CADM2: variants seen among roughly 807,000 people sequenced by gnomAD.
The protein encoded by CADM2 is immunoglobulin superfamily member 4D.
CADM2 carries 12 observed loss-of-function variants against 49.8 expected under a neutral mutation model. The ratio of observed to expected loss-of-function variants is 0.24; its 90% CI spans 0.15 to 0.39. The LOEUF is 0.39. Ranked by LOEUF, CADM2 falls within the 10% of genes least tolerant of loss-of-function variation. The pLI is 1.00. For synonymous variants in CADM2, 214 were observed against 175.4 expected (o/e 1.22, Z -1.74); for missense variants, 378 against 492.3 (o/e 0.77, Z 2.20).
chr3:86,014,573 T>G, intron 8 of CADM2: 1 of 1,597,826 alleles, frequency 6.3e-7, no homozygotes, highest in South Asian at 1.1e-5. Context: ...AAACACTAAG[T>G]GTCCCAACAG....
At chr3:85,366,207 T>C (rs1348033890) in intron 1 of CADM2, among the ~76,000 whole-genome samples, 2 of 152,038 alleles carry the variant, frequency 1.3e-5, no homozygotes, top group Non-Finnish European at 2.9e-5. Context: ...AGCCACAGAG[T>C]GTCTTTTGAA....
chr3:85,457,167 C>T (rs1476759165), intron 1 of CADM2, among the ~76,000 whole-genome samples: 1 of 152,060 alleles, frequency 6.6e-6, no homozygotes, highest in Non-Finnish European at 1.5e-5. Context: ...AATCCCAGCA[C>T]TTTGGGAGGC....
intron 1 of CADM2, among the ~76,000 whole-genome samples, chr3:85,653,766 G>T (rs2107589743): frequency 6.6e-6 from 1 of 152,232 alleles, no homozygotes; most frequent in South Asian, 2.1e-4. Flanking sequence ...CAATAGAGAA[G>T]CTGTACAAGT....
chr3:84,987,585 G>T (rs907351272), intron 1 of CADM2, among the ~76,000 whole-genome samples: 1 of 151,964 alleles, frequency 6.6e-6, no homozygotes. Flanking sequence ...CTCCTATTCT[G>T]CTGCTACATA....
At chr3:85,096,130 A>T (rs761169609) in intron 1 of CADM2, among the ~76,000 whole-genome samples, 54 of 152,320 alleles carry the variant, frequency 3.5e-4, no homozygotes, top group Middle Eastern at 6.8e-3. Context: ...TTATTCTACA[A>T]TACCAGGTAA....
intron 2 of CADM2, among the ~76,000 whole-genome samples, chr3:85,799,693 G>T (rs1376844227): frequency 6.6e-6 from 1 of 152,146 alleles, no homozygotes; most frequent in Non-Finnish European, 1.5e-5. Flanking sequence ...GACCCTGTTT[G>T]CCTGGGTATT....
In CADM2 at chr3:85,636,822, A is replaced by G. The variant is rs534656763; in HGVS notation, c.62-89700A>G. Among the ~76,000 whole-genome samples, 3 of 152,358 alleles carry G rather than the reference A, an allele frequency of 2.0e-5. No homozygotes were observed. The East Asian group carries it at 5.8e-4, about 29-fold the overall frequency. On this transcript the variant is annotated intron_variant, in intron 1 of 9. Coordinates refer to ENST00000383699, the MANE Select transcript of CADM2 (RefSeq NM_001167675.2). ...CTTCAATACAATAACATGCTGTATA[A>G]GTTTGTAGCCTATGAGCAATAGACT...
chr3:85,018,917 C>A (rs1378456080), intron 1 of CADM2, among the ~76,000 whole-genome samples: 2 of 152,084 alleles, frequency 1.3e-5, no homozygotes, highest in East Asian at 1.9e-4. Context: ...CTATTCAGGA[C>A]CCCAGGCTGT....
At chr3:85,810,342 A>T (rs1288886379) in intron 3 of CADM2, among the ~76,000 whole-genome samples, 1 of 150,836 alleles carries the variant, frequency 6.6e-6, no homozygotes, top group Non-Finnish European at 1.5e-5. Flanking sequence ...GATCTGGAAG[A>T]TGAACAGAAA....
chr3:85,277,034 A>G (rs923235284), intron 1 of CADM2, among the ~76,000 whole-genome samples: 12 of 151,546 alleles, frequency 7.9e-5, no homozygotes, highest in South Asian at 2.1e-4. Flanking sequence ...AGCTAATACA[A>G]AGAAGAAATG....
intron 1 of CADM2, among the ~76,000 whole-genome samples, chr3:85,408,010 C>CAAAAAAAAA (rs372349246): frequency 1.3e-3 from 73 of 56,040 alleles, no homozygotes; most frequent in Non-Finnish European, 1.8e-3. Context: ...AAAACAAAAC[C>CAAAAAAAAA]AAAAAAAAAA....
intron 1 of CADM2, among the ~76,000 whole-genome samples, chr3:85,503,501 C>G (rs2040199253): frequency 6.6e-6 from 1 of 152,110 alleles, no homozygotes; most frequent in African/African-American, 2.4e-5. Flanking sequence ...TTGAATGTAA[C>G]ACAATCTAGA....
chr3:85,536,527 G>A (rs66653632), intron 1 of CADM2, among the ~76,000 whole-genome samples: 28,064 of 151,482 alleles, frequency 0.19, 3,137 homozygotes, highest in East Asian at 0.45. Flanking sequence ...TGTTAGGAAT[G>A]GTTCTTATTT....
chr3:85,274,351 G>A (rs1229076937), intron 1 of CADM2, among the ~76,000 whole-genome samples: 1 of 151,500 alleles, frequency 6.6e-6, no homozygotes, highest in Non-Finnish European at 1.5e-5. Context: ...ATGACAAGAT[G>A]TGATGATGTC....
intron 1 of CADM2, among the ~76,000 whole-genome samples, chr3:85,651,435 A>G (rs963970627): frequency 1.2e-4 from 18 of 152,278 alleles, no homozygotes; most frequent in African/African-American, 4.3e-4. Context: ...TGTATATTAT[A>G]TACTCTGGGC....
chr3:85,222,560 A>G (rs1359324142), intron 1 of CADM2, among the ~76,000 whole-genome samples: 2 of 152,174 alleles, frequency 1.3e-5, no homozygotes, highest in Non-Finnish European at 2.9e-5. Context: ...GCTGTCACAT[A>G]TATTTTCCCT....
At chr3:85,346,175 A>G (rs557778842) in intron 1 of CADM2, among the ~76,000 whole-genome samples, 26 of 152,338 alleles carry the variant, frequency 1.7e-4, no homozygotes, top group African/African-American at 6.3e-4. Flanking sequence ...AAATGCAGCT[A>G]TAATTTAAAT....
intron 1 of CADM2, among the ~76,000 whole-genome samples, chr3:85,266,928 T>A (rs1332043363): frequency 2.0e-5 from 3 of 151,776 alleles, no homozygotes; most frequent in African/African-American, 7.3e-5. Flanking sequence ...GTACTCTAAT[T>A]ATGTTGAGAA....
intron 1 of CADM2, among the ~76,000 whole-genome samples, chr3:85,610,214 T>C: frequency 6.6e-6 from 1 of 151,958 alleles, no homozygotes; most frequent in South Asian, 2.1e-4. Flanking sequence ...TGAAACAATC[T>C]TTATGCAAAA....
Sources: allele counts gnomAD v4.1 joint callset (sites outside exome capture counted in the v4.1 genomes callset), GRCh38; gene constraint gnomAD v4.1.1; transcripts MANE v1.5; gene names NCBI Gene and HGNC (gene_info 2026-07-23, HGNC 2026-07-21).